Variants in SAMSN1 observed in about 807,000 individuals in gnomAD.
SAMSN1 encodes the protein SAM domain, SH3 domain and nuclear localization signals 1.
SAMSN1 carries 31 observed loss-of-function variants against 42.0 expected under a neutral mutation model. The observed-to-expected ratio is 0.74, with a 90% CI of 0.55 to 1.00. SAMSN1 has a LOEUF of 1.00. Among genes scored for constraint, SAMSN1 ranks in the 50% least tolerant of loss-of-function variants. The pLI is 0.00. For synonymous variants in SAMSN1, 178 were observed against 151.9 expected, an observed-to-expected ratio of 1.17 and a Z score of -1.26; for missense variants, 464 against 439.4, an observed-to-expected ratio of 1.06 and a Z score of -0.50.
chr21:14,531,310 A>G (rs1398689753), intron 1 of SAMSN1, among the ~76,000 whole-genome samples: 1 of 152,122 alleles, frequency 6.6e-6, no homozygotes, highest in Non-Finnish European at 1.5e-5. Flanking sequence ...TATCATATGT[A>G]TTTTGTATAG....
intron 6 of SAMSN1, among the ~76,000 whole-genome samples, chr21:14,499,317 C>T (rs1987041393): frequency 6.6e-6 from 1 of 151,984 alleles, no homozygotes; most frequent in Non-Finnish European, 1.5e-5. Flanking sequence ...AACCTCTATC[C>T]TCTCAAACAA....
At chr21:14,631,601 G>A (rs1983331098) in intron 2 of SAMSN1, among the ~76,000 whole-genome samples, 1 of 152,090 alleles carries the variant, frequency 6.6e-6, no homozygotes. Flanking sequence ...TCCTGACTTC[G>A]TGATCTGCCC....
At chr21:14,559,472 T>C (rs1264639785) in intron 2 of SAMSN1, among the ~76,000 whole-genome samples, 7 of 152,160 alleles carry the variant, frequency 4.6e-5, no homozygotes, top group Admixed American at 4.6e-4. Flanking sequence ...TCTTGACTAG[T>C]GAAGGTCCCT....
intron 2 of SAMSN1, among the ~76,000 whole-genome samples, chr21:14,577,927 T>G (rs929423456): frequency 2.8e-4 from 43 of 152,212 alleles, no homozygotes; most frequent in Non-Finnish European, 2.9e-5. Context: ...TACAAACAAC[T>G]TAACTTCATG....
chr21:14,550,466 G>T (rs1386800055), upstream of SAMSN1, among the ~76,000 whole-genome samples: 1 of 152,124 alleles, frequency 6.6e-6, no homozygotes, highest in African/African-American at 2.4e-5. Flanking sequence ...TTAACAGGAA[G>T]TGGCAAGAAG....
chr21:14,618,656 ATGTGTGTG>A (rs3050614), intron 2 of SAMSN1, among the ~76,000 whole-genome samples: 2,809 of 149,142 alleles, frequency 0.019, 38 homozygotes, highest in South Asian at 0.031. Context: ...ACAGCTGTGT[ATGTGTGTG>A]TGTGTGTGTG....
intron 2 of SAMSN1, among the ~76,000 whole-genome samples, chr21:14,631,399 ATTTG>A (rs201758648): frequency 5.9e-5 from 9 of 152,054 alleles, no homozygotes; most frequent in South Asian, 2.1e-4. Flanking sequence ...CCAAGGTGGG[ATTTG>A]TTTGTTTGTT....
chr21:14,615,957 C>T (rs771681713), intron 3 of SAMSN1: 1 of 557,810 alleles, frequency 1.8e-6, no homozygotes, highest in South Asian at 2.5e-5. Flanking sequence ...ATGAAGTTTA[C>T]CAAGTAAATT....
intron 1 of SAMSN1, among the ~76,000 whole-genome samples, chr21:14,649,426 TA>T (rs1983786064): frequency 6.6e-6 from 1 of 151,640 alleles, no homozygotes; most frequent in African/African-American, 2.4e-5. Context: ...AGTATAACAA[TA>T]AAAGAAAAAA....
At chr21:14,547,122 A>T (rs924183729), upstream of SAMSN1, among the ~76,000 whole-genome samples, 14 of 152,234 alleles carry the variant, frequency 9.2e-5, no homozygotes, top group African/African-American at 3.4e-4. Flanking sequence ...TATGGATTAG[A>T]CCCATTCTAA....
chr21:14,596,975 C>A (rs1982285511), intron 6 of SAMSN1, among the ~76,000 whole-genome samples: 1 of 152,030 alleles, frequency 6.6e-6, no homozygotes, highest in Non-Finnish European at 1.5e-5. Context: ...ATTTGTAATA[C>A]AATAGTTAAA....
chr21:14,542,702 A>G (rs1056058093), intron 1 of SAMSN1, among the ~76,000 whole-genome samples: 1 of 152,148 alleles, frequency 6.6e-6, no homozygotes, highest in Non-Finnish European at 1.5e-5. Context: ...TGGAAGGCTG[A>G]GGTGGTTTGA....
At chr21:14,516,824 A>G in intron 3 of SAMSN1, 68 bp downstream of exon 3, 1 of 1,326,934 alleles carries the variant, frequency 7.5e-7, no homozygotes, top group Non-Finnish European at 1.0e-6. Flanking sequence ...AAGCACTTCT[A>G]TAGTCTAGCT....
intron 2 of SAMSN1, among the ~76,000 whole-genome samples, chr21:14,625,979 T>A (rs1036105916): frequency 6.6e-6 from 1 of 152,030 alleles, no homozygotes; most frequent in African/African-American, 2.4e-5. Context: ...ATAACACACA[T>A]CTACAATCAA....
chr21:14,582,527 A>G, intron 1 of SAMSN1: 1 of 724,296 alleles, frequency 1.4e-6, no homozygotes, highest in South Asian at 1.9e-5. Flanking sequence ...TATGATTATA[A>G]TTCTTCACAT....
chr21:14,548,018 A>T (rs1389400201), upstream of SAMSN1, among the ~76,000 whole-genome samples: 5 of 152,210 alleles, frequency 3.3e-5, no homozygotes, highest in African/African-American at 4.8e-5. Context: ...CCCCAGAAAT[A>T]CATCTTTTAG....
At chr21:14,590,656 C>A (rs1041605785) in intron 7 of SAMSN1, among the ~76,000 whole-genome samples, 7 of 152,116 alleles carry the variant, frequency 4.6e-5, no homozygotes, top group African/African-American at 1.7e-4. Flanking sequence ...TTGCTAAGGA[C>A]AGAAGTATTC....
chr21:14,605,286 G>C (rs1475296068), intron 5 of SAMSN1, among the ~76,000 whole-genome samples: 1 of 152,168 alleles, frequency 6.6e-6, no homozygotes, highest in Admixed American at 6.5e-5. Context: ...TCTCATCGTT[G>C]AATTCAGAAA....
At chr21:14,602,251 T>G (rs1411428889) in intron 5 of SAMSN1, among the ~76,000 whole-genome samples, 2 of 150,634 alleles carry the variant, frequency 1.3e-5, no homozygotes, top group Non-Finnish European at 2.9e-5. Context: ...TATATGCTAT[T>G]TTTCTTTTTT....
Sources: gnomAD v4.1 joint callset for allele counts (sites outside exome capture counted in the v4.1 genomes callset) on GRCh38, gnomAD v4.1.1 for gene constraint, MANE v1.5 for transcripts, NCBI Gene and HGNC (gene_info 2026-07-23, HGNC 2026-07-21) for gene names.